The following MPZL1 variants were observed in gnomAD, a reference collection of about 807,000 sequenced individuals.
MPZL1 encodes the protein myelin protein zero like 1, also known as myelin protein zero-like protein 1.
Under a neutral mutation model 29.3 loss-of-function variants are expected in MPZL1, and 16 were observed. The observed-to-expected ratio is 0.55, with a 90% confidence interval of 0.37 to 0.83. The LOEUF is 0.83. MPZL1 is among the 40% of genes least tolerant of loss of function. MPZL1 has a pLI of 0.00. For missense variants in MPZL1, 279 were observed against 332.9 expected (o/e 0.84, Z 1.26); for synonymous variants, 143 against 132.0 (o/e 1.08, Z -0.57).
At position 167,730,556 on chromosome 1, in the gene MPZL1, G is replaced by C. The variant is rs946419321; in HGVS notation, c.91+8314G>C. Among the ~76,000 whole-genome samples the C allele has an allele frequency of 3.3e-5, 5 of 152,154 alleles. No homozygotes were observed. In the South Asian group the frequency reaches 8.3e-4, roughly 25 times the overall value. ...AGCCTCCCAAAGAGTTGGGATTACA[G>C]GTATGAGCCACCATGTCAGCTGATG... On this transcript the variant is annotated intron_variant, in intron 1 of 5. Transcript: ENST00000359523.
chr1:167,780,086 G>A lies in MPZL1; in HGVS notation c.708+3920G>A, dbSNP rs796878606. On this transcript the variant is annotated intron_variant, in intron 5 of 5. Transcript: ENST00000359523. ...GAGAGAATTGGAAGGAAAAATTGACGTATTTACAATCATAGTTGGAGGTTT... is the reference window on the plus strand; with the variant it reads ...GAGAGAATTGGAAGGAAAAATTGACATATTTACAATCATAGTTGGAGGTTT... Among the ~76,000 whole-genome samples, 12 of 152,208 alleles carry A rather than the reference G, an allele frequency of 7.9e-5. No homozygotes were observed. In the Middle Eastern group the frequency reaches 0.01, roughly 129 times the overall value.
At chr1:167,749,821 G>T (rs1660719551) in intron 1 of MPZL1, among the ~76,000 whole-genome samples, 1 of 152,172 alleles carries the variant, frequency 6.6e-6, no homozygotes, top group African/African-American at 2.4e-5. Flanking sequence ...ATTAATTAGA[G>T]GTGAAATAGA....
At chr1:167,760,747 C>CTGTGTG (rs58963124) in intron 1 of MPZL1, among the ~76,000 whole-genome samples, 4,317 of 120,078 alleles carry the variant, frequency 0.036, 93 homozygotes, top group South Asian at 0.052. Context: ...GTTGAATAGG[C>CTGTGTG]TGTGTGTGTG....
At chr1:167,767,727 A>G (rs1480463883) in intron 2 of MPZL1, among the ~76,000 whole-genome samples, 3 of 147,684 alleles carry the variant, frequency 2.0e-5, no homozygotes, top group Non-Finnish European at 4.5e-5. Flanking sequence ...TTTTTGGCCC[A>G]TGGCCTTGGG....
At chr1:167,760,570 G>A (rs1303906746) in intron 1 of MPZL1, among the ~76,000 whole-genome samples, 12 of 152,136 alleles carry the variant, frequency 7.9e-5, no homozygotes, top group Non-Finnish European at 1.2e-4. Flanking sequence ...TTGTGCAAAA[G>A]AGAGGAGTCA....
intron 1 of MPZL1, among the ~76,000 whole-genome samples, chr1:167,724,112 G>A (rs1660095310): frequency 6.6e-6 from 1 of 152,194 alleles, no homozygotes; most frequent in Admixed American, 6.5e-5. Context: ...CATTGGTAAA[G>A]ATGTACTGTG....
chr1:167,790,270 T>C lies in MPZL1; in HGVS notation c.*2349T>C, dbSNP rs560884282. ...GACACCTGGAGGCCTGTTCCTCCCT[T>C]ACCACTCCCTTCCCCAGCCCGACTT... is the stretch of plus-strand genomic sequence containing the variant. On this transcript the variant is annotated 3_prime_UTR_variant, in exon 6 of 6. Coordinates refer to ENST00000359523, the MANE Select transcript of MPZL1 (RefSeq NM_003953.6). 6.6e-6 allele frequency: 1 copy of C among 152,574 alleles called. No individual in the cohort carries two copies. Among genetic ancestry groups the C allele is most frequent in the Non-Finnish European group, 1.5e-5 (1 of 68,164 alleles). The allele number at this position is 152,574 out of a possible 1,614,324, so 9.5% of individuals were successfully genotyped here. A position where few individuals can be genotyped will look rare whatever the true frequency, so the allele number is the denominator to read the frequency against.
chr1:167,787,113 T>G (rs1303222888), intron 5 of MPZL1: 1 of 152,174 alleles, frequency 6.6e-6, no homozygotes, highest in Non-Finnish European at 1.5e-5. Context: ...TTTACTCCAT[T>G]TAGGGTTTTT....
intron 1 of MPZL1, among the ~76,000 whole-genome samples, chr1:167,734,332 G>A (rs113009692): frequency 0.021 from 3,258 of 151,904 alleles, 105 homozygotes; most frequent in African/African-American, 0.073. Context: ...ATAGTAAGCC[G>A]AGGCAGGCCT....
chr1:167,753,716 G>A (rs377082492), intron 1 of MPZL1, among the ~76,000 whole-genome samples: 1 of 151,598 alleles, frequency 6.6e-6, no homozygotes, highest in South Asian at 2.1e-4. Context: ...TGCAACCTCC[G>A]CCTCCCAGGT....
At chr1:167,745,906 T>G (rs1314732375) in intron 1 of MPZL1, among the ~76,000 whole-genome samples, 1 of 152,086 alleles carries the variant, frequency 6.6e-6, no homozygotes, top group African/African-American at 2.4e-5. Flanking sequence ...TTTTTAATAT[T>G]TTAATATCTC....
chr1:167,773,449 G>A (rs1260094553), intron 4 of MPZL1, 81 bp downstream of exon 4: 3 of 1,439,334 alleles, frequency 2.1e-6, no homozygotes, highest in Admixed American at 2.5e-5. Flanking sequence ...AATGAAAAAA[G>A]GATTTTAAAG....
chr1:167,731,755 A>G (rs1660278810), intron 1 of MPZL1, among the ~76,000 whole-genome samples: 1 of 151,852 alleles, frequency 6.6e-6, no homozygotes. Flanking sequence ...GTGTCTCAAA[A>G]AAAAAAAAGG....
At position 167,730,395 on chromosome 1, in the gene MPZL1, C is replaced by T. The variant is rs575296707; in HGVS notation, c.91+8153C>T. ...CCTGGTTCAAGTGATTCTCCCACCT[C>T]AGCCTTCCTAATAGCTGGGATTACA... On this transcript the variant is annotated intron_variant, in intron 1 of 5. Transcript: ENST00000359523. 9.9e-5 allele frequency among the ~76,000 whole-genome samples: 15 copies of T among 152,276 alleles called. No individual in the cohort carries two copies. In the South Asian group the frequency reaches 3.1e-3, roughly 32 times the overall value.
intron 1 of MPZL1, among the ~76,000 whole-genome samples, chr1:167,729,230 A>G (rs1660217271): frequency 6.6e-6 from 1 of 151,932 alleles, no homozygotes; most frequent in Admixed American, 6.6e-5. Context: ...AGATCGTGTC[A>G]TCGCACTCCA....
At chr1:167,757,176 C>G (rs537986355) in intron 1 of MPZL1, among the ~76,000 whole-genome samples, 1 of 152,280 alleles carries the variant, frequency 6.6e-6, no homozygotes, top group South Asian at 2.1e-4. Flanking sequence ...TGGCCCTGTT[C>G]CCAGGAGAGA....
chr1:167,765,560 T>C (rs553050336), intron 1 of MPZL1, 23 bp from the exon 2 acceptor site: 31 of 1,576,460 alleles, frequency 2.0e-5, no homozygotes, highest in Non-Finnish European at 2.4e-5. Context: ...TACTTTCAAC[T>C]ACCCTTATTC....
At chr1:167,739,284 T>TATATATATATATATACAC (rs1558110560) in intron 1 of MPZL1, among the ~76,000 whole-genome samples, 1 of 73,998 alleles carries the variant, frequency 1.4e-5, no homozygotes, top group African/African-American at 5.4e-5. Context: ...CATATATACA[T>TATATATATATATATACAC]ATATATATAT....
At chr1:167,773,593 T>G (rs1661297761) in intron 4 of MPZL1, 1 of 458,544 alleles carries the variant, frequency 2.2e-6, no homozygotes, top group African/African-American at 2.0e-5. Context: ...AGTTTCCTTC[T>G]TAGGTTTGGT....
Sources: allele counts gnomAD v4.1 joint callset (sites outside exome capture counted in the v4.1 genomes callset), GRCh38; gene constraint gnomAD v4.1.1; transcripts MANE v1.5; gene names NCBI Gene and HGNC (gene_info 2026-07-23, HGNC 2026-07-21).